The following SLC26A7 variants were observed in gnomAD, a reference collection of about 807,000 sequenced individuals.
SLC26A7 encodes the protein anion exchange transporter.
SLC26A7 carries 59 observed loss-of-function variants against 82.5 expected under a neutral mutation model. That is an observed-to-expected ratio of 0.72 (90% CI 0.58 to 0.89). The LOEUF (loss-of-function observed/expected upper bound fraction) is 0.89, where lower values mean the gene tolerates loss of function less well. Ranked by LOEUF, SLC26A7 falls within the 40% of genes least tolerant of loss-of-function variation. The pLI is 0.00. For missense variants in SLC26A7, 820 were observed against 793.0 expected (o/e 1.03, Z -0.41); for synonymous variants, 271 against 274.3 (o/e 0.99, Z 0.12).
intron 13 of SLC26A7, among the ~76,000 whole-genome samples, chr8:91,365,175 A>C (rs547342487): frequency 3.3e-5 from 5 of 150,426 alleles, no homozygotes; most frequent in Admixed American, 6.6e-5. Context: ...TTTTTTTCAT[A>C]TTAACTTAAA....
chr8:91,266,983 C>A (rs1344868906), intron 2 of SLC26A7, among the ~76,000 whole-genome samples: 1 of 151,862 alleles, frequency 6.6e-6, no homozygotes, highest in Admixed American at 6.6e-5. Context: ...TTTTCTTCAT[C>A]TTTGAAACGA....
intron 11 of SLC26A7, among the ~76,000 whole-genome samples, chr8:91,358,851 T>C (rs1813960972): frequency 2.6e-5 from 4 of 151,994 alleles, no homozygotes; most frequent in South Asian, 2.1e-4. Flanking sequence ...AAACACCACA[T>C]GTTCTCACTC....
chr8:91,245,103 T>C (rs937647434), upstream of SLC26A7, among the ~76,000 whole-genome samples: 3 of 152,174 alleles, frequency 2.0e-5, no homozygotes, highest in Admixed American at 2.0e-4. Context: ...TATTTGAATG[T>C]AAGAGTATTT....
At chr8:91,366,838 A>C in intron 14 of SLC26A7, 121 bp downstream of exon 14, 1 of 1,098,886 alleles carries the variant, frequency 9.1e-7, no homozygotes, top group Non-Finnish European at 1.3e-6. Flanking sequence ...TCCCTTCAGC[A>C]AAACCTATGA....
At chr8:91,269,402 T>A (rs1811205672) in intron 2 of SLC26A7, among the ~76,000 whole-genome samples, 1 of 151,996 alleles carries the variant, frequency 6.6e-6, no homozygotes, top group Non-Finnish European at 1.5e-5. Flanking sequence ...TGGATAACAG[T>A]TTTTGTTGTT....
chr8:91,338,976 G>A (rs11786510), intron 7 of SLC26A7, among the ~76,000 whole-genome samples: 66,461 of 151,854 alleles, frequency 0.44, 17,181 homozygotes, highest in East Asian at 0.63. Context: ...CATGAAAATG[G>A]AGAAACAGTA....
intron 18 of SLC26A7, 68 bp from the exon 19 acceptor site, chr8:91,394,994 T>G: frequency 6.4e-7 from 1 of 1,558,074 alleles, no homozygotes; most frequent in Non-Finnish European, 8.8e-7. Flanking sequence ...ACTACTGTTC[T>G]TTTACTTTGG....
chr8:91,251,214 T>A (rs1370500353), intron 2 of SLC26A7, among the ~76,000 whole-genome samples: 1 of 152,162 alleles, frequency 6.6e-6, no homozygotes, highest in Non-Finnish European at 1.5e-5. Flanking sequence ...CTATGGTGTA[T>A]CATTAGTGAT....
At chr8:91,300,295 G>C (rs1812126786) in intron 4 of SLC26A7, among the ~76,000 whole-genome samples, 1 of 151,976 alleles carries the variant, frequency 6.6e-6, no homozygotes, top group Non-Finnish European at 1.5e-5. Context: ...GCTATTGTTT[G>C]TGTCTTTGAA....
In SLC26A7 at chr8:91,389,489, CAG is replaced by C. The variant is rs777505389; in HGVS notation, c.1776+52_1776+53del. The C allele has an allele frequency of 6.1e-6, 8 of 1,307,336 alleles. No individual in the cohort carries two copies. In the African/African-American group the frequency reaches 8.7e-5, roughly 14 times the overall value. The allele number at this position is 1,307,336 out of a possible 1,614,324, so 81.0% of individuals were successfully genotyped here. On this transcript the variant is annotated intron_variant, in intron 16 of 18. Coordinates refer to ENST00000276609, the MANE Select transcript of SLC26A7 (RefSeq NM_052832.4). Reference sequence around the variant, plus strand: ...CTGTTTCTTCCCTTTTGTTCAGTAACAGGGGTTTTCACCACCTTCTCTCCATA... The same window carrying C: ...CTGTTTCTTCCCTTTTGTTCAGTAACGGGTTTTCACCACCTTCTCTCCATA...
At chr8:91,237,420 C>A (rs1308110258) in intron 2 of SLC26A7, among the ~76,000 whole-genome samples, 2 of 152,136 alleles carry the variant, frequency 1.3e-5, no homozygotes, top group African/African-American at 4.8e-5. Flanking sequence ...TAAGTTGGGG[C>A]AGTTTAACAA....
chr8:91,268,890 A>G (rs1332974323), intron 2 of SLC26A7, among the ~76,000 whole-genome samples: 1 of 151,534 alleles, frequency 6.6e-6, no homozygotes, highest in Non-Finnish European at 1.5e-5. Context: ...AAAAATTTTT[A>G]TAGTTATAAC....
At chr8:91,237,375 C>T (rs569471353) in intron 2 of SLC26A7, among the ~76,000 whole-genome samples, 17 of 152,176 alleles carry the variant, frequency 1.1e-4, no homozygotes, top group Non-Finnish European at 1.9e-4. Context: ...TATTTTTATT[C>T]GCTAAATCTG....
rs1489136092 is a variant in SLC26A7 at position 91,290,899 on chromosome 8, A to G, written c.304+1653A>G. Among the ~76,000 whole-genome samples the G allele has an allele frequency of 2.0e-5, 3 of 152,224 alleles. No homozygotes were observed. The East Asian group carries it at 5.8e-4, about 29-fold the overall frequency. On this transcript the variant is annotated intron_variant, in intron 3 of 18. Transcript: ENST00000276609. ...TCAATCACTTACAACATTTCTGCCTAAAGTGTGGCTCATGAACCAGCAGGT... is the reference window on the plus strand; with the variant it reads ...TCAATCACTTACAACATTTCTGCCTGAAGTGTGGCTCATGAACCAGCAGGT...
At chr8:91,289,676 G>A (rs911639948) in intron 3 of SLC26A7, among the ~76,000 whole-genome samples, 1 of 152,030 alleles carries the variant, frequency 6.6e-6, no homozygotes, top group African/African-American at 2.4e-5. Context: ...GAAATGTTCT[G>A]AATTTACAAT....
At chr8:91,270,548 A>G (rs1446446096) in intron 2 of SLC26A7, among the ~76,000 whole-genome samples, 2 of 152,134 alleles carry the variant, frequency 1.3e-5, no homozygotes, top group Non-Finnish European at 2.9e-5. Context: ...TTTGTGATAA[A>G]TCCAGCCAGG....
chr8:91,318,457 A>G (rs1430659483), intron 5 of SLC26A7, 77 bp downstream of exon 5: 6 of 1,333,496 alleles, frequency 4.5e-6, no homozygotes, highest in African/African-American at 4.5e-5. Context: ...TAATTATAGT[A>G]CTGAGATTTT....
At chr8:91,343,200 T>A in intron 8 of SLC26A7, 153 bp from the exon 9 acceptor site, 1 of 575,544 alleles carries the variant, frequency 1.7e-6, no homozygotes, top group Non-Finnish European at 3.1e-6. Context: ...ACCCAATAAA[T>A]GTTAGCTATT....
intron 5 of SLC26A7, among the ~76,000 whole-genome samples, chr8:91,319,946 T>C (rs554550967): frequency 7.1e-4 from 107 of 150,018 alleles, no homozygotes; most frequent in Non-Finnish European, 1.2e-3. Context: ...TATAAACTTC[T>C]ATTAAACACT....
Sources: allele counts gnomAD v4.1 joint callset (sites outside exome capture counted in the v4.1 genomes callset), GRCh38; gene constraint gnomAD v4.1.1; transcripts MANE v1.5; gene names NCBI Gene and HGNC (gene_info 2026-07-23, HGNC 2026-07-21).